The following AFG2A variants were observed in gnomAD, a reference collection of about 807,000 sequenced individuals.
AFG2A encodes the protein AAA ATPase AFG2A.
At chr4:122,949,243 A>G in the AFG2A span, among the ~76,000 whole-genome samples, 2 of 152,090 alleles carry the variant, frequency 1.3e-5, no homozygotes, top group African/African-American at 2.4e-5. Context: ...TCTCTGTCTC[A>G]CTGCTGTCAT....
the AFG2A span, among the ~76,000 whole-genome samples, chr4:122,945,647 C>A: frequency 6.6e-6 from 1 of 152,188 alleles, no homozygotes; most frequent in East Asian, 1.9e-4. Flanking sequence ...GTGCGCTGCA[C>A]CCACTGTCCT....
chr4:123,090,329 C>T, the AFG2A span, among the ~76,000 whole-genome samples: 2 of 151,976 alleles, frequency 1.3e-5, no homozygotes, highest in East Asian at 3.8e-4. Context: ...GCTTTTATTT[C>T]TGACATTTAT....
the AFG2A span, among the ~76,000 whole-genome samples, chr4:122,999,896 G>C: frequency 1.3e-5 from 2 of 151,986 alleles, no homozygotes; most frequent in African/African-American, 4.8e-5. Flanking sequence ...AATTACCTTG[G>C]GCAGTATGGC....
the AFG2A span, among the ~76,000 whole-genome samples, chr4:123,040,068 ATATTCT>A: frequency 1.3e-4 from 19 of 151,040 alleles, no homozygotes; most frequent in Admixed American, 3.9e-4. Flanking sequence ...GTGCTCAGTA[ATATTCT>A]TATTCATTTT....
the AFG2A span, among the ~76,000 whole-genome samples, chr4:122,965,058 T>G: frequency 6.6e-6 from 1 of 152,314 alleles, no homozygotes; most frequent in Non-Finnish European, 1.5e-5. Flanking sequence ...TTCATATATG[T>G]GAGTATATCA....
At chr4:123,021,181 C>T in the AFG2A span, among the ~76,000 whole-genome samples, 19 of 151,608 alleles carry the variant, frequency 1.3e-4, no homozygotes, top group East Asian at 7.7e-4. Context: ...ATACTTGTAA[C>T]GGTACCTTTC....
the AFG2A span, among the ~76,000 whole-genome samples, chr4:122,966,834 C>T: frequency 1.3e-5 from 2 of 152,020 alleles, no homozygotes; most frequent in African/African-American, 4.8e-5. Context: ...ATTGATTTGC[C>T]TTCTTGTGTA....
At chr4:123,305,090 T>A in the AFG2A span, among the ~76,000 whole-genome samples, 1 of 152,166 alleles carries the variant, frequency 6.6e-6, no homozygotes, top group Non-Finnish European at 1.5e-5. Context: ...CTGACACATT[T>A]TAAAGTGCTG....
chr4:123,223,107 C>T, the AFG2A span, among the ~76,000 whole-genome samples: 1 of 152,076 alleles, frequency 6.6e-6, no homozygotes, highest in Admixed American at 6.6e-5. Flanking sequence ...TTTTGAGGAA[C>T]GTTCTTACTC....
At chr4:123,142,467 C>T in the AFG2A span, among the ~76,000 whole-genome samples, 1 of 152,098 alleles carries the variant, frequency 6.6e-6, no homozygotes, top group African/African-American at 2.4e-5. Context: ...GAAAAACTAA[C>T]ATTTGGATAA....
chr4:123,049,324 T>C, the AFG2A span, among the ~76,000 whole-genome samples: 4 of 152,138 alleles, frequency 2.6e-5, no homozygotes, highest in African/African-American at 9.6e-5. Flanking sequence ...TTTTTTTATT[T>C]GTTTTGTCTT....
At chr4:122,985,380 C>T in the AFG2A span, among the ~76,000 whole-genome samples, 133 of 152,182 alleles carry the variant, frequency 8.7e-4, no homozygotes, top group Middle Eastern at 3.4e-3. Flanking sequence ...CCACCGGCCT[C>T]GGCCTCTGAA....
At chr4:122,934,170 GC>G in the AFG2A span, 1 of 1,614,178 alleles carries the variant, frequency 6.2e-7, no homozygotes, top group Non-Finnish European at 8.5e-7. Context: ...TGCAAGTATT[GC>G]GAGTGAAAGG....
chr4:122,979,265 A>G, the AFG2A span: 115 of 1,614,062 alleles, frequency 7.1e-5, no homozygotes, highest in Non-Finnish European at 9.2e-5. Context: ...CTGAAAAAAC[A>G]GCCTAACCTC....
the AFG2A span, among the ~76,000 whole-genome samples, chr4:123,266,013 T>C: frequency 6.6e-6 from 1 of 152,058 alleles, no homozygotes; most frequent in Non-Finnish European, 1.5e-5. Context: ...GAGGAGCTTA[T>C]GATGTTAAAA....
the AFG2A span, among the ~76,000 whole-genome samples, chr4:123,291,642 G>C: frequency 6.6e-6 from 1 of 152,168 alleles, no homozygotes; most frequent in Non-Finnish European, 1.5e-5. Flanking sequence ...CTACAGTGAT[G>C]GGCTGACAGT....
At chr4:123,002,012 G>A in the AFG2A span, among the ~76,000 whole-genome samples, 3,264 of 152,218 alleles carry the variant, frequency 0.021, 64 homozygotes, top group Non-Finnish European at 0.035. Context: ...TATATATTTA[G>A]GATAGTTAGC....
chr4:123,301,851 A>C, the AFG2A span, among the ~76,000 whole-genome samples: 1 of 152,208 alleles, frequency 6.6e-6, no homozygotes, highest in Non-Finnish European at 1.5e-5. Flanking sequence ...AGATTGGAGA[A>C]TGGGAAAGTA....
chr4:123,256,630 A>T, the AFG2A span: 1 of 895,548 alleles, frequency 1.1e-6, no homozygotes, highest in Non-Finnish European at 1.3e-6. Context: ...AAGCAAACAG[A>T]TTGTATCATT....
Sources: allele counts gnomAD v4.1 joint callset (sites outside exome capture counted in the v4.1 genomes callset), GRCh38; gene constraint gnomAD v4.1.1; transcripts MANE v1.5; gene names NCBI Gene and HGNC (gene_info 2026-07-23, HGNC 2026-07-21).